Variants in SNX6 observed in about 807,000 individuals in gnomAD.
SNX6 encodes the protein sorting nexin-6.
A neutral mutation model predicts 63.0 loss-of-function variants in SNX6; 34 were observed. That is an observed-to-expected ratio of 0.54 (90% CI 0.41 to 0.72). The LOEUF is 0.72. Ranked by LOEUF, SNX6 falls within the 30% of genes least tolerant of loss-of-function variation. SNX6 has a pLI of 0.00. For missense variants in SNX6, 398 were observed against 471.4 expected (o/e 0.84, Z 1.44); for synonymous variants, 170 against 164.2 (o/e 1.04, Z -0.27).
chr14:34,585,876 G>C (rs575065413), intron 9 of SNX6, among the ~76,000 whole-genome samples: 1 of 151,656 alleles, frequency 6.6e-6, no homozygotes, highest in Non-Finnish European at 1.5e-5. Flanking sequence ...ACAGGCATGA[G>C]CCACTGTGCC....
At chr14:34,583,815 TC>T (rs1452550776) in intron 9 of SNX6, among the ~76,000 whole-genome samples, 1 of 151,028 alleles carries the variant, frequency 6.6e-6, no homozygotes, top group African/African-American at 2.4e-5. Context: ...TTTTCCTTCT[TC>T]CTGATAAGAA....
chr14:34,609,349 T>C (rs945141886), intron 3 of SNX6, among the ~76,000 whole-genome samples: 4 of 151,268 alleles, frequency 2.6e-5, no homozygotes, highest in African/African-American at 9.7e-5. Context: ...GACATGGTGG[T>C]GGACGCCTGT....
At chr14:34,597,346 T>C (rs563140565) in intron 7 of SNX6, among the ~76,000 whole-genome samples, 2 of 152,286 alleles carry the variant, frequency 1.3e-5, no homozygotes, top group African/African-American at 2.4e-5. Flanking sequence ...GCAAATTCCC[T>C]TGGCTTAAGA....
At chr14:34,598,631 C>G (rs1326891016) in intron 6 of SNX6, among the ~76,000 whole-genome samples, 1 of 152,216 alleles carries the variant, frequency 6.6e-6, no homozygotes, top group Non-Finnish European at 1.5e-5. Context: ...GATCCAACCA[C>G]CTTGGCCTCC....
At chr14:34,579,825 CAAAA>C (rs557462263) in intron 10 of SNX6, among the ~76,000 whole-genome samples, 1 of 114,214 alleles carries the variant, frequency 8.8e-6, no homozygotes. Context: ...CTGTCTCTAC[CAAAA>C]AAAAAAAAAA....
At chr14:34,610,886 C>T (rs1174880955) in intron 2 of SNX6, among the ~76,000 whole-genome samples, 1 of 152,102 alleles carries the variant, frequency 6.6e-6, no homozygotes, top group African/African-American at 2.4e-5. Flanking sequence ...CTCACCTGGT[C>T]ATTAGTATCT....
At chr14:34,628,327 C>T (rs368616266) in intron 2 of SNX6, among the ~76,000 whole-genome samples, 3 of 152,096 alleles carry the variant, frequency 2.0e-5, no homozygotes, top group Admixed American at 1.3e-4. Flanking sequence ...GGCGTGGTGG[C>T]GGGCGCCTGT....
chr14:34,602,964 A>C (rs900177298), intron 6 of SNX6, among the ~76,000 whole-genome samples: 14 of 137,568 alleles, frequency 1.0e-4, no homozygotes, highest in African/African-American at 3.9e-4. Context: ...TGACAGAGCG[A>C]GACTCCGTCT....
At chr14:34,601,466 C>T (rs574638421) in intron 6 of SNX6, among the ~76,000 whole-genome samples, 94 of 151,516 alleles carry the variant, frequency 6.2e-4, no homozygotes, top group African/African-American at 2.1e-3. Context: ...CCTCGTGATC[C>T]GCCCACCTCG....
intron 10 of SNX6, among the ~76,000 whole-genome samples, chr14:34,579,617 A>G (rs1387993998): frequency 6.6e-6 from 1 of 152,152 alleles, no homozygotes; most frequent in Non-Finnish European, 1.5e-5. Context: ...TAAAACAAAA[A>G]GAATAAAGGA....
intron 10 of SNX6, 99 bp downstream of exon 10, chr14:34,581,462 C>T (rs1360165646): frequency 1.7e-5 from 12 of 686,598 alleles, no homozygotes; most frequent in Non-Finnish European, 3.0e-5. Context: ...ATAGTGATCA[C>T]TCTTTTAAAA....
At chr14:34,566,678 T>C (rs79239141) in intron 13 of SNX6, among the ~76,000 whole-genome samples, 3,266 of 152,294 alleles carry the variant, frequency 0.021, 108 homozygotes, top group African/African-American at 0.07. Context: ...CCCTCTCAAT[T>C]CTAAGATTCT....
At chr14:34,569,326 C>G (rs1413062606) in intron 11 of SNX6, among the ~76,000 whole-genome samples, 1 of 152,196 alleles carries the variant, frequency 6.6e-6, no homozygotes, top group African/African-American at 2.4e-5. Context: ...AAACCCCATG[C>G]CCATTAACAG....
chr14:34,593,987 G>A (rs1204894913), intron 7 of SNX6, among the ~76,000 whole-genome samples: 1 of 152,118 alleles, frequency 6.6e-6, no homozygotes, highest in African/African-American at 2.4e-5. Flanking sequence ...ACGTGCTAAA[G>A]TGCTGGGATT....
At chr14:34,615,880 A>T (rs1161044595) in intron 2 of SNX6, among the ~76,000 whole-genome samples, 1 of 152,238 alleles carries the variant, frequency 6.6e-6, no homozygotes, top group African/African-American at 2.4e-5. Flanking sequence ...AATATCACTG[A>T]AAAGTTAACA....
intron 9 of SNX6, among the ~76,000 whole-genome samples, chr14:34,584,277 A>G (rs1041211413): frequency 6.6e-6 from 1 of 152,154 alleles, no homozygotes; most frequent in African/African-American, 2.4e-5. Flanking sequence ...GACTATGAAA[A>G]TAGTTTTCCT....
At chr14:34,584,033 G>A (rs1882052411) in intron 9 of SNX6, among the ~76,000 whole-genome samples, 1 of 152,002 alleles carries the variant, frequency 6.6e-6, no homozygotes, top group Middle Eastern at 3.2e-3. Flanking sequence ...TTTTAGTAGA[G>A]ATGGGGTTTC....
chr14:34,604,008 C>G, intron 5 of SNX6: 1 of 604,082 alleles, frequency 1.7e-6, no homozygotes, highest in Non-Finnish European at 2.2e-6. Flanking sequence ...ATTTTAATAC[C>G]AGCAGTGAAT....
Position 34,586,307 on chromosome 14 carries a change from T to C in SNX6, c.719-2A>G. On this transcript the variant is annotated splice_acceptor_variant, in intron 8 of 13. Transcript: ENST00000362031. LOFTEE classifies it high-confidence loss of function. ...TTCTATTGTAATCATCTGCAGCACC[T>C]ATGGAGAAAGTTTTAAGAATTTAGT... is the stretch of plus-strand genomic sequence containing the variant. 1 of 1,599,954 alleles carries C rather than the reference T, an allele frequency of 6.3e-7. No homozygotes were observed. Among genetic ancestry groups the C allele is most frequent in the Non-Finnish European group, 8.6e-7 (1 of 1,168,492 alleles).
Sources: gnomAD v4.1 joint callset for allele counts (sites outside exome capture counted in the v4.1 genomes callset) on GRCh38, gnomAD v4.1.1 for gene constraint, MANE v1.5 for transcripts, NCBI Gene and HGNC (gene_info 2026-07-23, HGNC 2026-07-21) for gene names.